Variants in KCNB2 observed in about 807,000 individuals in gnomAD.
The protein encoded by KCNB2 is potassium voltage-gated channel subfamily B member 2, also known as delayed rectifier potassium channel protein.
KCNB2 carries 15 observed loss-of-function variants against 61.5 expected under a neutral mutation model. The observed-to-expected ratio is 0.24, with a 90% confidence interval of 0.16 to 0.38. The LOEUF (loss-of-function observed/expected upper bound fraction) is 0.38. Ranked by LOEUF, KCNB2 falls within the 10% of genes least tolerant of loss-of-function variation. The probability of loss-of-function intolerance (pLI) is 1.00; values close to 1 mark genes in which losing one functional copy is unlikely to be tolerated. For missense variants in KCNB2, 828 were observed against 1,125.2 expected (o/e 0.74, Z 3.78); for synonymous variants, 457 against 446.0 (o/e 1.02, Z -0.31).
chr8:72,540,549 G>A (rs1806174217), intron 1 of KCNB2, among the ~76,000 whole-genome samples: 1 of 151,972 alleles, frequency 6.6e-6, no homozygotes, highest in South Asian at 2.1e-4. Context: ...TTATGGCCTT[G>A]TTACTCCCCA....
intron 2 of KCNB2, among the ~76,000 whole-genome samples, chr8:72,617,844 G>A (rs1805645751): frequency 6.6e-6 from 1 of 152,120 alleles, no homozygotes; most frequent in Non-Finnish European, 1.5e-5. Context: ...TAAAAATAGA[G>A]GAAATTTTGG....
chr8:72,855,463 A>T (rs1311944379), intron 2 of KCNB2, among the ~76,000 whole-genome samples: 2 of 152,106 alleles, frequency 1.3e-5, no homozygotes, highest in Non-Finnish European at 2.9e-5. Context: ...CTCCTCAAGG[A>T]AGCTTTTTCT....
intron 2 of KCNB2, among the ~76,000 whole-genome samples, chr8:72,715,069 A>T (rs1047198749): frequency 6.6e-6 from 1 of 152,236 alleles, no homozygotes; most frequent in African/African-American, 2.4e-5. Flanking sequence ...AAAGAAGGCC[A>T]TTACATAATG....
chr8:72,722,987 C>T (rs927259588), intron 2 of KCNB2, among the ~76,000 whole-genome samples: 1 of 152,158 alleles, frequency 6.6e-6, no homozygotes, highest in African/African-American at 2.4e-5. Context: ...TTAAACTGCC[C>T]AAAGTGCTGA....
intron 2 of KCNB2, among the ~76,000 whole-genome samples, chr8:72,718,324 A>C (rs1270893046): frequency 6.6e-6 from 1 of 152,220 alleles, no homozygotes; most frequent in Non-Finnish European, 1.5e-5. Context: ...GTATATACCC[A>C]AAGGATTATA....
chr8:72,539,102 G>C (rs1027664668), intron 1 of KCNB2, among the ~76,000 whole-genome samples: 2 of 152,016 alleles, frequency 1.3e-5, no homozygotes, highest in African/African-American at 4.8e-5. Flanking sequence ...TAAATATAAA[G>C]TTGTCCAAAG....
chr8:72,737,259 A>G (rs1197867332), intron 2 of KCNB2, among the ~76,000 whole-genome samples: 4 of 152,200 alleles, frequency 2.6e-5, no homozygotes, highest in South Asian at 4.1e-4. Context: ...ACAGCAATGT[A>G]CTTGCCTTCC....
intron 2 of KCNB2, among the ~76,000 whole-genome samples, chr8:72,721,210 A>G (rs1807541844): frequency 6.6e-6 from 1 of 152,224 alleles, no homozygotes; most frequent in African/African-American, 2.4e-5. Flanking sequence ...CCTCTGGTGT[A>G]TATACTGCTA....
At chr8:72,597,585 C>A (rs528704814) in intron 2 of KCNB2, among the ~76,000 whole-genome samples, 18 of 152,290 alleles carry the variant, frequency 1.2e-4, no homozygotes, top group Middle Eastern at 3.4e-3. Context: ...TCAAATCTAT[C>A]CCAACTTCTT....
intron 2 of KCNB2, among the ~76,000 whole-genome samples, chr8:72,914,730 T>A (rs1806360511): frequency 1.3e-5 from 2 of 152,184 alleles, no homozygotes; most frequent in South Asian, 4.1e-4. Flanking sequence ...ACTATTGAGA[T>A]ACAGACTTAA....
intron 1 of KCNB2, among the ~76,000 whole-genome samples, chr8:72,547,239 A>G (rs561630647): frequency 6.6e-6 from 1 of 152,334 alleles, no homozygotes; most frequent in South Asian, 2.1e-4. Context: ...CCATCACCCA[A>G]GAGCTCTGAG....
Position 72,937,304 on chromosome 8 carries a change from C to T in KCNB2, c.1949C>T (p.Pro650Leu), listed in dbSNP as rs767830715. The T allele has an allele frequency of 6.2e-6, 10 of 1,613,994 alleles. No individual in the cohort carries two copies. In the East Asian group the frequency reaches 1.3e-4, roughly 22 times the overall value. The change falls in exon 3 of 3, where the codon CCG (proline) becomes CTG (leucine). Residue 650 changes from proline to leucine, a missense_variant. By Grantham distance (98) the Pro-to-Leu change is moderately conservative. This residue lies in a region of KCNB2 where 559 missense variants were observed against 588.4 expected (regional missense o/e 0.95). Transcript: ENST00000523207. ...GAGCACCAAAGAGCTAGGGGCCCCCCGTTTCTAACTCTATCCAGAGAGAAA... is the reference window on the plus strand; with the variant it reads ...GAGCACCAAAGAGCTAGGGGCCCCCTGTTTCTAACTCTATCCAGAGAGAAA... ...TEEHQRARGP[P>L]FLTLSREKGP...
At chr8:72,615,981 T>G (rs1183805526) in intron 2 of KCNB2, among the ~76,000 whole-genome samples, 1 of 152,226 alleles carries the variant, frequency 6.6e-6, no homozygotes, top group Non-Finnish European at 1.5e-5. Flanking sequence ...TTTGAAATGC[T>G]GGCTGCCTTG....
chr8:72,716,178 G>C (rs1475853473), intron 2 of KCNB2, among the ~76,000 whole-genome samples: 2 of 152,088 alleles, frequency 1.3e-5, no homozygotes, highest in East Asian at 3.9e-4. Context: ...TAATAGCTTA[G>C]CAACCAAAAA....
At chr8:72,860,994 G>A (rs1805398172) in intron 2 of KCNB2, among the ~76,000 whole-genome samples, 2 of 152,174 alleles carry the variant, frequency 1.3e-5, no homozygotes, top group South Asian at 2.1e-4. Flanking sequence ...AAAGCATACT[G>A]TAGCTTCTCA....
At chr8:72,714,907 A>G (rs2128992175) in intron 2 of KCNB2, among the ~76,000 whole-genome samples, 1 of 152,324 alleles carries the variant, frequency 6.6e-6, no homozygotes, top group Admixed American at 6.5e-5. Context: ...TGCTGTATTC[A>G]GGAAACCCAT....
At chr8:72,632,907 G>A (rs1489761736) in intron 2 of KCNB2, among the ~76,000 whole-genome samples, 1 of 152,144 alleles carries the variant, frequency 6.6e-6, no homozygotes, top group Admixed American at 6.5e-5. Context: ...TGAATCCACT[G>A]GGATTGTATT....
chr8:72,660,808 G>A (rs1427171286), intron 2 of KCNB2: 1 of 152,134 alleles, frequency 6.6e-6, no homozygotes, highest in Non-Finnish European at 1.5e-5. Context: ...AGTTAAACTT[G>A]TTATTTATTG....
At chr8:72,870,831 G>T (rs1395529047) in intron 2 of KCNB2, among the ~76,000 whole-genome samples, 6 of 152,110 alleles carry the variant, frequency 3.9e-5, no homozygotes, top group African/African-American at 1.4e-4. Context: ...ACAAAAATTT[G>T]CCAGGTGTGG....
Sources: gnomAD v4.1 joint callset for allele counts (sites outside exome capture counted in the v4.1 genomes callset) on GRCh38, gnomAD v4.1.1 for gene constraint, gnomAD v4.1.1 regional missense constraint, MANE v1.5 for transcripts, NCBI Gene and HGNC (gene_info 2026-07-23, HGNC 2026-07-21) for gene names.